The following CCDC73 variants were observed in gnomAD, a reference collection of about 807,000 sequenced individuals.
The protein encoded by CCDC73 is coiled-coil domain containing 73, also known as coiled-coil domain-containing protein 73.
A neutral mutation model predicts 116.5 loss-of-function variants in CCDC73; 95 were observed. The observed-to-expected ratio is 0.82, with a 90% CI of 0.69 to 0.97. The LOEUF is 0.97. Among genes scored for constraint, CCDC73 ranks in the 50% least tolerant of loss-of-function variants. The pLI, the probability that CCDC73 is intolerant of heterozygous loss-of-function variation, is 0.00. For missense variants in CCDC73, 1,066 were observed against 1,206.8 expected (o/e 0.88, Z 1.73); for synonymous variants, 398 against 401.3 (o/e 0.99, Z 0.10).
the CCDC73 span, among the ~76,000 whole-genome samples, chr11:32,828,111 C>A: frequency 6.6e-6 from 1 of 152,130 alleles, no homozygotes; most frequent in Non-Finnish European, 1.5e-5. Context: ...AACAAAATTT[C>A]TGCAGAAAAC....
intron 3 of CCDC73, among the ~76,000 whole-genome samples, chr11:32,717,869 C>T (rs1849959130): frequency 6.6e-6 from 1 of 152,060 alleles, no homozygotes; most frequent in Non-Finnish European, 1.5e-5. Flanking sequence ...TACAAGGTGA[C>T]AGAAAGGAGA....
chr11:32,603,137 C>T, intron 17 of CCDC73, 117 bp from the exon 18 acceptor site: 1 of 760,424 alleles, frequency 1.3e-6, no homozygotes, highest in Non-Finnish European at 2.1e-6. Flanking sequence ...GGCTGATTTC[C>T]ACTACCTTAG....
At chr11:32,607,728 T>C (rs1855373363) in intron 17 of CCDC73, among the ~76,000 whole-genome samples, 1 of 152,184 alleles carries the variant, frequency 6.6e-6, no homozygotes, top group Admixed American at 6.5e-5. Flanking sequence ...GAAACTATAC[T>C]GTTGCTTATG....
At chr11:32,794,461 C>T (rs1448328972) in intron 1 of CCDC73, 152 bp downstream of exon 1, 1 of 152,418 alleles carries the variant, frequency 6.6e-6, no homozygotes, top group Non-Finnish European at 1.5e-5. Context: ...TCAGGAGGCT[C>T]CAGGCCAAAG....
intron 2 of CCDC73, among the ~76,000 whole-genome samples, chr11:32,755,040 A>G (rs1373403081): frequency 6.7e-6 from 1 of 149,960 alleles, no homozygotes; most frequent in Non-Finnish European, 1.5e-5. Context: ...GGCATCCATC[A>G]CCATGCCCAG....
the CCDC73 span, among the ~76,000 whole-genome samples, chr11:32,825,703 G>A: frequency 6.6e-6 from 1 of 152,128 alleles, no homozygotes; most frequent in Admixed American, 6.5e-5. Flanking sequence ...GTATAGTTTT[G>A]CAACTGATGC....
At chr11:32,632,809 C>A (rs1013041516) in intron 14 of CCDC73, among the ~76,000 whole-genome samples, 5 of 151,638 alleles carry the variant, frequency 3.3e-5, no homozygotes, top group Non-Finnish European at 5.9e-5. Flanking sequence ...AATGAAAAAA[C>A]TACATATCAT....
At chr11:32,807,548 C>A in the CCDC73 span, among the ~76,000 whole-genome samples, 1 of 151,898 alleles carries the variant, frequency 6.6e-6, no homozygotes, top group Non-Finnish European at 1.5e-5. Context: ...TGCAGCCCAA[C>A]ACAAATTCAT....
upstream of CCDC73, among the ~76,000 whole-genome samples, chr11:32,798,917 G>GGGA (rs1554971675): frequency 2.0e-5 from 3 of 149,630 alleles, no homozygotes; most frequent in African/African-American, 4.9e-5. Context: ...GTTTGTTTTG[G>GGGA]GGGGGGGCGT....
intron 14 of CCDC73, among the ~76,000 whole-genome samples, chr11:32,626,632 T>C (rs1329859072): frequency 6.6e-6 from 1 of 152,080 alleles, no homozygotes; most frequent in Non-Finnish European, 1.5e-5. Context: ...AACAGAGATA[T>C]AGACCAATGG....
intron 2 of CCDC73, among the ~76,000 whole-genome samples, chr11:32,741,823 C>A (rs920543061): frequency 9.2e-5 from 14 of 151,936 alleles, no homozygotes; most frequent in African/African-American, 3.4e-4. Flanking sequence ...ACCCACCCCC[C>A]ACAGGCCCCT....
At chr11:32,735,853 C>T (rs576371436) in intron 2 of CCDC73, among the ~76,000 whole-genome samples, 32 of 152,190 alleles carry the variant, frequency 2.1e-4, no homozygotes, top group African/African-American at 7.0e-4. Context: ...AGAAATAATA[C>T]CACACATCTA....
At chr11:32,737,113 T>C (rs1403021045) in intron 2 of CCDC73, among the ~76,000 whole-genome samples, 1 of 151,700 alleles carries the variant, frequency 6.6e-6, no homozygotes, top group Admixed American at 6.6e-5. Flanking sequence ...AGCAACAAAA[T>C]ATTCTTCATA....
chr11:32,718,552 C>A (rs141231756), intron 2 of CCDC73, among the ~76,000 whole-genome samples: 5 of 152,184 alleles, frequency 3.3e-5, no homozygotes, highest in Admixed American at 6.5e-5. Flanking sequence ...CAGGTGCTTA[C>A]AGAAAAGGTT....
intron 9 of CCDC73, among the ~76,000 whole-genome samples, chr11:32,659,172 C>T (rs1256984654): frequency 2.0e-5 from 3 of 152,122 alleles, no homozygotes; most frequent in Non-Finnish European, 4.4e-5. Context: ...TCATGATTCA[C>T]CTTCACAGGC....
At chr11:32,661,187 G>C (rs1233243634) in intron 9 of CCDC73, among the ~76,000 whole-genome samples, 2 of 152,220 alleles carry the variant, frequency 1.3e-5, no homozygotes, top group Non-Finnish European at 2.9e-5. Context: ...CAGTTCTGCA[G>C]AGTGAAGGAA....
upstream of CCDC73, among the ~76,000 whole-genome samples, chr11:32,795,438 T>G: frequency 6.8e-6 from 1 of 148,050 alleles, no homozygotes; most frequent in African/African-American, 2.5e-5. Flanking sequence ...ACCACTGCAC[T>G]CCAGCCTAGG....
intron 17 of CCDC73, among the ~76,000 whole-genome samples, chr11:32,609,192 T>C (rs1230347242): frequency 6.6e-6 from 1 of 152,200 alleles, no homozygotes; most frequent in East Asian, 1.9e-4. Flanking sequence ...ATCATATTGT[T>C]CAGGCTGCAA....
chr11:32,826,118 T>A, the CCDC73 span, among the ~76,000 whole-genome samples: 1 of 152,248 alleles, frequency 6.6e-6, no homozygotes, highest in African/African-American at 2.4e-5. Flanking sequence ...CTTAAAGGGC[T>A]TTAAGCAAAT....
Sources: allele counts gnomAD v4.1 joint callset (sites outside exome capture counted in the v4.1 genomes callset), GRCh38; gene constraint gnomAD v4.1.1; transcripts MANE v1.5; gene names NCBI Gene and HGNC (gene_info 2026-07-23, HGNC 2026-07-21).